Variants in KCTD16 observed in about 807,000 individuals in gnomAD.
The protein encoded by KCTD16 is BTB/POZ domain-containing protein KCTD16.
A neutral mutation model predicts 33.2 loss-of-function variants in KCTD16; 13 were observed. The observed-to-expected ratio is 0.39, with a 90% confidence interval of 0.25 to 0.62. The LOEUF is 0.62. Ranked by LOEUF, KCTD16 falls within the 20% of genes least tolerant of loss-of-function variation. KCTD16 has a pLI of 0.50. For synonymous variants in KCTD16, 197 were observed against 195.3 expected (o/e 1.01, Z -0.07); for missense variants, 441 against 525.1 (o/e 0.84, Z 1.57).
chr5:144,351,704 A>G (rs1751440047), intron 3 of KCTD16, among the ~76,000 whole-genome samples: 2 of 152,226 alleles, frequency 1.3e-5, no homozygotes, highest in South Asian at 4.1e-4. Flanking sequence ...GTATATACAC[A>G]ATGGAGTACT....
intron 3 of KCTD16, among the ~76,000 whole-genome samples, chr5:144,225,042 C>T (rs1052408452): frequency 6.6e-5 from 10 of 152,232 alleles, no homozygotes; most frequent in Admixed American, 6.5e-4. Context: ...ACCCCAATTG[C>T]CCTGACCCGA....
chr5:144,199,896 G>A (rs1753010852), intron 2 of KCTD16, among the ~76,000 whole-genome samples: 1 of 151,700 alleles, frequency 6.6e-6, no homozygotes, highest in East Asian at 1.9e-4. Context: ...TTGTATTTTA[G>A]TAGAGACAGG....
intron 3 of KCTD16, among the ~76,000 whole-genome samples, chr5:144,383,861 T>A (rs1752268840): frequency 6.6e-6 from 1 of 152,172 alleles, no homozygotes; most frequent in Non-Finnish European, 1.5e-5. Flanking sequence ...TAGCAGGCAT[T>A]TCTGATGGGT....
intron 3 of KCTD16, among the ~76,000 whole-genome samples, chr5:144,209,117 C>G (rs1050437248): frequency 6.8e-4 from 103 of 152,238 alleles, no homozygotes; most frequent in African/African-American, 2.5e-3. Context: ...TAATATTTAC[C>G]ATGTTCTCCG....
intron 3 of KCTD16, among the ~76,000 whole-genome samples, chr5:144,270,377 A>G (rs1284597897): frequency 6.6e-6 from 1 of 151,986 alleles, no homozygotes; most frequent in Non-Finnish European, 1.5e-5. Context: ...TTAAAAATCA[A>G]TGACAGAAGT....
At chr5:144,458,832 C>T (rs75694070) in intron 3 of KCTD16, among the ~76,000 whole-genome samples, 3,390 of 152,294 alleles carry the variant, frequency 0.022, 122 homozygotes, top group African/African-American at 0.078. Context: ...CTTTCTCTCC[C>T]TGTTGTAGAG....
At chr5:144,336,119 G>A (rs1390064939) in intron 3 of KCTD16, among the ~76,000 whole-genome samples, 2 of 152,166 alleles carry the variant, frequency 1.3e-5, no homozygotes, top group Non-Finnish European at 2.9e-5. Flanking sequence ...AGGCAGACAG[G>A]CTGTCTTGTG....
intron 3 of KCTD16, among the ~76,000 whole-genome samples, chr5:144,349,547 G>A (rs561604312): frequency 5.9e-5 from 9 of 152,154 alleles, no homozygotes; most frequent in African/African-American, 2.2e-4. Flanking sequence ...ACTAAGATTG[G>A]CAAAGATGTC....
intron 2 of KCTD16, among the ~76,000 whole-genome samples, chr5:144,177,826 C>T (rs1259268924): frequency 6.6e-6 from 1 of 152,198 alleles, no homozygotes; most frequent in African/African-American, 2.4e-5. Context: ...CAGTTGAATT[C>T]ATACCAGCCT....
chr5:144,225,148 C>T (rs1248225916), intron 3 of KCTD16, among the ~76,000 whole-genome samples: 3 of 152,076 alleles, frequency 2.0e-5, no homozygotes, highest in African/African-American at 4.8e-5. Context: ...TCAAGGGAGC[C>T]GCCTCACAAG....
At chr5:144,182,772 G>C (rs1287103704) in intron 2 of KCTD16, among the ~76,000 whole-genome samples, 1 of 151,716 alleles carries the variant, frequency 6.6e-6, no homozygotes, top group East Asian at 1.9e-4. Flanking sequence ...AAGAGAGAGA[G>C]AGAGAGAAAG....
intron 3 of KCTD16, among the ~76,000 whole-genome samples, chr5:144,399,872 A>G (rs1327126803): frequency 6.6e-6 from 1 of 152,214 alleles, no homozygotes; most frequent in African/African-American, 2.4e-5. Flanking sequence ...GAAGGGAATT[A>G]AGGAGTTTCC....
intron 3 of KCTD16, among the ~76,000 whole-genome samples, chr5:144,434,324 C>T (rs1049880229): frequency 4.6e-5 from 7 of 151,920 alleles, no homozygotes; most frequent in East Asian, 3.9e-4. Flanking sequence ...GAGGTAGTCA[C>T]GTGCTTTTTA....
chr5:144,182,004 G>C (rs1174605856), intron 2 of KCTD16, among the ~76,000 whole-genome samples: 1 of 151,408 alleles, frequency 6.6e-6, no homozygotes, highest in Non-Finnish European at 1.5e-5. Context: ...TGAGTAGCTT[G>C]AACCTGGGAG....
At chr5:144,255,542 T>A (rs777243360) in intron 3 of KCTD16, among the ~76,000 whole-genome samples, 4 of 152,240 alleles carry the variant, frequency 2.6e-5, no homozygotes, top group Middle Eastern at 3.2e-3. Context: ...TGAAATTATG[T>A]CTCACTATGG....
chr5:144,212,370 C>T (rs1753423826), intron 3 of KCTD16, among the ~76,000 whole-genome samples: 1 of 152,096 alleles, frequency 6.6e-6, no homozygotes, highest in South Asian at 2.1e-4. Flanking sequence ...TAGTTTCTTC[C>T]TGGGTCTGTG....
intron 3 of KCTD16, among the ~76,000 whole-genome samples, chr5:144,441,849 A>G (rs367617562): frequency 6.7e-6 from 1 of 149,270 alleles, no homozygotes; most frequent in Non-Finnish European, 1.5e-5. Context: ...TCATCTTGAC[A>G]ATTTCTGCAA....
rs1299013279 is a variant in KCTD16 at position 144,481,904 on chromosome 5, ACT to A, written c.*7793_*7794del. 6.6e-6 allele frequency: 1 copy of A among 151,900 alleles called. No homozygotes were observed. Among genetic ancestry groups the A allele is most frequent in the Non-Finnish European group, 1.5e-5 (1 of 67,930 alleles). 9.4% of individuals were successfully genotyped at this position (151,900 alleles called of 1,614,324 possible). A position where few individuals can be genotyped will look rare whatever the true frequency, so the allele number is the denominator to read the frequency against. ...ACAGATTTATTATTATGTACCTGAA[ACT>A]CTACTGAGTACTTTTCATGCCTTAT... is the stretch of plus-strand genomic sequence containing the variant. On this transcript the variant is annotated 3_prime_UTR_variant, in exon 4 of 4. Transcript: ENST00000512467.
chr5:144,343,897 G>A (rs914436125), intron 3 of KCTD16, among the ~76,000 whole-genome samples: 2 of 152,086 alleles, frequency 1.3e-5, no homozygotes. Flanking sequence ...TTTTGAGTGA[G>A]TTTCTGAATC....
Sources: gnomAD v4.1 joint callset for allele counts (sites outside exome capture counted in the v4.1 genomes callset) on GRCh38, gnomAD v4.1.1 for gene constraint, MANE v1.5 for transcripts, NCBI Gene and HGNC (gene_info 2026-07-23, HGNC 2026-07-21) for gene names.